The following CPSF6 variants were observed in gnomAD, a reference collection of about 807,000 sequenced individuals.
CPSF6 encodes cleavage and polyadenylation specificity factor subunit 6.
In CPSF6, 10 loss-of-function variants were observed where a neutral mutation model predicts 56.7. The ratio of observed to expected loss-of-function variants is 0.18; its 90% CI spans 0.11 to 0.30. The LOEUF is 0.30. Among genes scored for constraint, CPSF6 ranks in the 10% least tolerant of loss-of-function variants. The probability of loss-of-function intolerance (pLI) is 1.00; values close to 1 mark genes in which losing one functional copy is unlikely to be tolerated. For synonymous variants in CPSF6, 248 were observed against 244.8 expected (o/e 1.01, Z -0.12); for missense variants, 419 against 722.9 (o/e 0.58, Z 4.82).
intron 1 of CPSF6, among the ~76,000 whole-genome samples, chr12:69,240,022 C>G (rs958696081): frequency 3.2e-4 from 48 of 151,518 alleles, no homozygotes; most frequent in South Asian, 6.2e-4. Flanking sequence ...GCGCTTCCCG[C>G]CGCGCTAGGC....
chr12:69,254,403 A>G (rs951387673), intron 3 of CPSF6, among the ~76,000 whole-genome samples: 3 of 152,136 alleles, frequency 2.0e-5, no homozygotes, highest in Admixed American at 1.3e-4. Context: ...TTCCCCCTCA[A>G]ATATCCACAT....
intron 8 of CPSF6, among the ~76,000 whole-genome samples, chr12:69,260,900 A>C (rs544736525): frequency 6.6e-6 from 1 of 152,182 alleles, no homozygotes; most frequent in East Asian, 1.9e-4. Flanking sequence ...GGCATGAGCC[A>C]GTGTGCTCAG....
At chr12:69,260,319 GTT>G (rs10700569) in intron 8 of CPSF6, 122 bp downstream of exon 8, 3 of 575,502 alleles carry the variant, frequency 5.2e-6, no homozygotes, top group Non-Finnish European at 8.6e-6. Flanking sequence ...AGCTGGAGTG[GTT>G]TTTTTTTTTA....
intron 1 of CPSF6, among the ~76,000 whole-genome samples, chr12:69,244,800 G>T (rs911929356): frequency 6.6e-6 from 1 of 151,882 alleles, no homozygotes. Flanking sequence ...TCTGCATCTT[G>T]TCCCACTGGA....
Position 69,271,386 on chromosome 12 carries a change from A to T in CPSF6, c.*1878A>T, listed in dbSNP as rs1001896657. On this transcript the variant is annotated 3_prime_UTR_variant, in exon 10 of 10. Coordinates refer to ENST00000435070, the MANE Select transcript of CPSF6 (RefSeq NM_007007.3). ...ATAAATATTACAAGAGAAATTAGTT[A>T]ATAGTAAAGGGTTAAAAGGTAAGTA... is the stretch of plus-strand genomic sequence containing the variant. 6.6e-6 allele frequency: 1 copy of T among 152,150 alleles called. No homozygotes were observed. Among genetic ancestry groups the T allele is most frequent in the Admixed American group, 6.6e-5 (1 of 15,220 alleles). 9.4% of individuals were successfully genotyped at this position (152,150 alleles called of 1,614,324 possible).
intron 3 of CPSF6, 87 bp downstream of exon 3, chr12:69,253,241 C>T: frequency 1.7e-6 from 1 of 592,244 alleles, no homozygotes; most frequent in East Asian, 3.0e-5. Flanking sequence ...ATGTTAATTA[C>T]ACATGTATAC....
intron 9 of CPSF6, among the ~76,000 whole-genome samples, chr12:69,263,095 AATTT>A (rs1565650235): frequency 4.1e-5 from 3 of 73,844 alleles, no homozygotes; most frequent in African/African-American, 2.7e-4. Flanking sequence ...TTAAAAAAAA[AATTT>A]TTTTTTTTAG....
At position 69,270,644 on chromosome 12, in the gene CPSF6, T is replaced by A. The variant is rs1304476465; in HGVS notation, c.*1136T>A. The stretch of plus-strand genomic sequence containing the variant: ...AATGGGAAATTACAGATAAACCGTG[T>A]CTGCACAGTTTAAGGAATACTATGT... On this transcript the variant is annotated 3_prime_UTR_variant, in exon 10 of 10. Coordinates refer to ENST00000435070, the MANE Select transcript of CPSF6 (RefSeq NM_007007.3). The A allele has an allele frequency of 6.6e-6, 1 of 151,746 alleles. No individual in the cohort carries two copies. The highest frequency in any genetic ancestry group is 1.5e-5 in the Non-Finnish European group (1 of 67,674). The allele number at this position is 151,746 out of a possible 1,614,324, so 9.4% of individuals were successfully genotyped here.
At chr12:69,265,769 A>G (rs941195375) in intron 9 of CPSF6, among the ~76,000 whole-genome samples, 8 of 151,750 alleles carry the variant, frequency 5.3e-5, no homozygotes, top group Non-Finnish European at 1.2e-4. Flanking sequence ...CGCCCGGCTA[A>G]TTTTGTAGTT....
intron 1 of CPSF6, among the ~76,000 whole-genome samples, chr12:69,244,216 C>T (rs1315252212): frequency 6.6e-6 from 1 of 152,162 alleles, no homozygotes; most frequent in Admixed American, 6.5e-5. Flanking sequence ...TATCCTTATA[C>T]TGTAAACTTA....
At position 69,271,502 on chromosome 12, in the gene CPSF6, T is replaced by C. The variant is rs1873240271; in HGVS notation, c.*1994T>C. The C allele has an allele frequency of 6.6e-6, 1 of 151,808 alleles. No homozygotes were observed. The highest frequency in any genetic ancestry group is 1.5e-5 in the Non-Finnish European group (1 of 67,710). 9.4% of individuals were successfully genotyped at this position (151,808 alleles called of 1,614,324 possible). A position where few individuals can be genotyped will look rare whatever the true frequency, so the allele number is the denominator to read the frequency against. The stretch of plus-strand genomic sequence containing the variant: ...ACTTGAAATGAAACTGGAAATTTTA[T>C]ACTAATTAAATCCTTTATTTACCTT... On this transcript the variant is annotated 3_prime_UTR_variant, in exon 10 of 10. Coordinates refer to ENST00000435070, the MANE Select transcript of CPSF6 (RefSeq NM_007007.3).
intron 1 of CPSF6, among the ~76,000 whole-genome samples, chr12:69,244,797 C>T (rs553070115): frequency 6.6e-6 from 1 of 152,164 alleles, no homozygotes; most frequent in African/African-American, 2.4e-5. Flanking sequence ...ATCTCTGCAT[C>T]TTGTCCCACT....
rs762123542 is a variant in CPSF6 at position 69,259,571 on chromosome 12, C to T, written c.1315+28C>T. 4 of 1,574,204 alleles carry T rather than the reference C, an allele frequency of 2.5e-6. No homozygotes were observed. The East Asian group carries it at 6.8e-5, about 27-fold the overall frequency. On this transcript the variant is annotated intron_variant, in intron 7 of 9. Coordinates refer to ENST00000435070, the MANE Select transcript of CPSF6 (RefSeq NM_007007.3). ...TTGTGTATTTCTTGTATTAATATTT[C>T]TTATTTATGTTATTAGGAATGACCT... is the stretch of plus-strand genomic sequence containing the variant.
At chr12:69,239,774 C>T (rs1480905114) in intron 1 of CPSF6, 68 bp downstream of exon 1, 2 of 1,427,474 alleles carry the variant, frequency 1.4e-6, no homozygotes, top group Non-Finnish European at 1.9e-6. Context: ...GACCCGGGGC[C>T]CGCTGCGGCC....
intron 1 of CPSF6, among the ~76,000 whole-genome samples, chr12:69,240,102 G>A (rs905054016): frequency 6.6e-6 from 1 of 151,150 alleles, no homozygotes; most frequent in Non-Finnish European, 1.5e-5. Flanking sequence ...CCCGTCGCTG[G>A]TCGGAGGAGG....
chr12:69,267,470 G>A (rs1873046417), intron 9 of CPSF6, among the ~76,000 whole-genome samples: 1 of 151,926 alleles, frequency 6.6e-6, no homozygotes, highest in African/African-American at 2.4e-5. Context: ...GCTAAAGCAA[G>A]TAATTGTGTG....
intron 1 of CPSF6, among the ~76,000 whole-genome samples, chr12:69,243,378 T>A (rs543901335): frequency 1.3e-5 from 2 of 152,352 alleles, no homozygotes; most frequent in South Asian, 4.1e-4. Context: ...ATGTGTCGCT[T>A]CACGATGGCG....
rs1311608630 is a variant in CPSF6, at chr12:69,271,479, T to C, written c.*1971T>C. 6.6e-6 allele frequency: 1 copy of C among 151,820 alleles called. No homozygotes were observed. The highest frequency in any genetic ancestry group is 2.4e-5 in the African/African-American group (1 of 41,420). 9.4% of individuals were successfully genotyped at this position (151,820 alleles called of 1,614,324 possible). A position where few individuals can be genotyped will look rare whatever the true frequency, so the allele number is the denominator to read the frequency against. On this transcript the variant is annotated 3_prime_UTR_variant, in exon 10 of 10. Coordinates refer to ENST00000435070, the MANE Select transcript of CPSF6 (RefSeq NM_007007.3). ...TGGAATCACAAAAATCTAACTGCACTTGAAATGAAACTGGAAATTTTATAC... is the reference window on the plus strand; with the variant it reads ...TGGAATCACAAAAATCTAACTGCACCTGAAATGAAACTGGAAATTTTATAC...
rs1435930282 is a variant in CPSF6 at position 69,251,357 on chromosome 12, A to G, written c.270+19A>G. On this transcript the variant is annotated intron_variant, in intron 2 of 9. Coordinates refer to ENST00000435070, the MANE Select transcript of CPSF6 (RefSeq NM_007007.3). ...AACATGGGTAAGTGAAGTTAATATA[A>G]GAATTAAATTATTGGTAATTGATTT... The G allele has an allele frequency of 1.4e-6, 2 of 1,413,072 alleles. No individual in the cohort carries two copies. Among genetic ancestry groups the G allele is most frequent in the Non-Finnish European group, 2.0e-6 (2 of 1,007,532 alleles). 87.5% of individuals were successfully genotyped at this position (1,413,072 alleles called of 1,614,324 possible).
Sources: allele counts gnomAD v4.1 joint callset (sites outside exome capture counted in the v4.1 genomes callset), GRCh38; gene constraint gnomAD v4.1.1; transcripts MANE v1.5; gene names NCBI Gene and HGNC (gene_info 2026-07-23, HGNC 2026-07-21).